The following DLC1 variants were observed in gnomAD, a reference collection of about 807,000 sequenced individuals.
The protein encoded by DLC1 is DLC1 Rho GTPase activating protein, also known as rho GTPase-activating protein 7.
Under a neutral mutation model 140.3 loss-of-function variants are expected in DLC1, and 54 were observed. That is an observed-to-expected ratio of 0.38 (90% CI 0.31 to 0.48). The LOEUF (loss-of-function observed/expected upper bound fraction) is 0.48, where lower values mean the gene tolerates loss of function less well. Ranked by LOEUF, DLC1 falls within the 20% of genes least tolerant of loss-of-function variation. The pLI, the probability that DLC1 is intolerant of heterozygous loss-of-function variation, is 0.96. For synonymous variants in DLC1, 986 were observed against 728.1 expected, an observed-to-expected ratio of 1.35 and a Z score of -5.70; for missense variants, 2,536 against 1,907.0, an observed-to-expected ratio of 1.33 and a Z score of -6.14.
intron 1 of DLC1, among the ~76,000 whole-genome samples, chr8:13,530,842 G>A (rs995968284): frequency 2.6e-5 from 4 of 152,102 alleles, no homozygotes; most frequent in Admixed American, 6.6e-5. Flanking sequence ...TACAGCTTAC[G>A]TGGTTAAAAA....
rs76658290 is a variant in DLC1 at position 13,304,904 on chromosome 8, C to G, written c.1348+365G>C. On this transcript the variant is annotated intron_variant, in intron 5 of 17. Transcript: ENST00000276297. ...GCATCAATTACATCTTTTTCTGTGGCTACTAAGTCATTAAGAGTAAAAATA... is the reference window on the plus strand; with the variant it reads ...GCATCAATTACATCTTTTTCTGTGGGTACTAAGTCATTAAGAGTAAAAATA... The G allele has an allele frequency of 0.091, 90,916 of 994,540 alleles. 4,495 individuals are homozygous for G. Among genetic ancestry groups the G allele is most frequent in the Non-Finnish European group, 0.099 (82,605 of 835,764 alleles). 61.6% of individuals were successfully genotyped at this position (994,540 alleles called of 1,614,324 possible).
chr8:13,141,697 G>T (rs892823576), intron 5 of DLC1, among the ~76,000 whole-genome samples: 5 of 152,114 alleles, frequency 3.3e-5, no homozygotes, highest in Non-Finnish European at 7.3e-5. Context: ...GCTATTTCTG[G>T]AAACCCCTAC....
At chr8:13,305,072 A>G (rs1832364618) in intron 5 of DLC1, 197 bp downstream of exon 5, 6 of 1,250,742 alleles carry the variant, frequency 4.8e-6, no homozygotes, top group Admixed American at 3.8e-5. Flanking sequence ...TTCTAACACA[A>G]TGTCATTATG....
chr8:13,194,931 GC>G (rs1826962245), intron 5 of DLC1, among the ~76,000 whole-genome samples: 2 of 152,148 alleles, frequency 1.3e-5, no homozygotes, highest in Non-Finnish European at 1.5e-5. Context: ...GATGGATTGT[GC>G]CCAGGAGTTT....
At chr8:13,382,529 A>AGAAAGAAAG (rs1554509370) in intron 4 of DLC1, among the ~76,000 whole-genome samples, 1 of 109,432 alleles carries the variant, frequency 9.1e-6, no homozygotes, top group Non-Finnish European at 1.8e-5. Flanking sequence ...AAAAAAAAAA[A>AGAAAGAAAG]AAAGAAAGAG....
chr8:13,495,254 A>G (rs1442338724), intron 2 of DLC1, among the ~76,000 whole-genome samples: 1 of 152,190 alleles, frequency 6.6e-6, no homozygotes, highest in Non-Finnish European at 1.5e-5. Flanking sequence ...CTAATTAGTA[A>G]CCCACTTCTT....
Position 13,249,149 on chromosome 8 carries a change from T to A in DLC1, c.1348+56120A>T, listed in dbSNP as rs537021668. Among the ~76,000 whole-genome samples the A allele has an allele frequency of 2.6e-5, 4 of 152,340 alleles. No individual in the cohort carries two copies. In the South Asian group the frequency reaches 8.3e-4, roughly 32 times the overall value. On this transcript the variant is annotated intron_variant, in intron 5 of 17. Transcript: ENST00000276297. ...TGGAGTGCAATGGCGCGATCTTCGC[T>A]CACTGCAACCTCTGCCTCCTGGGTT...
chr8:13,188,005 T>C (rs1826486324), intron 5 of DLC1, among the ~76,000 whole-genome samples: 1 of 152,088 alleles, frequency 6.6e-6, no homozygotes, highest in Admixed American at 6.6e-5. Flanking sequence ...AAAAATAGAA[T>C]AGTTGCTTTG....
intron 2 of DLC1, among the ~76,000 whole-genome samples, chr8:13,432,942 CTTTTT>C (rs35776848): frequency 3.2e-5 from 3 of 93,016 alleles, no homozygotes; most frequent in Non-Finnish European, 6.1e-5. Flanking sequence ...TCCTCTCTTC[CTTTTT>C]TTTTTTTTTT....
intron 1 of DLC1, chr8:13,567,662 C>T: frequency 4.5e-6 from 7 of 1,551,772 alleles, no homozygotes; most frequent in Non-Finnish European, 6.1e-6. Flanking sequence ...TTACTGGAGT[C>T]ATTTCTACTC....
chr8:13,553,738 C>T (rs767255889), intron 1 of DLC1, among the ~76,000 whole-genome samples: 1 of 152,080 alleles, frequency 6.6e-6, no homozygotes, highest in Admixed American at 6.6e-5. Flanking sequence ...TTCTGATTCT[C>T]TTTAGAACAA....
chr8:13,497,738 G>A (rs1041317980), intron 2 of DLC1, among the ~76,000 whole-genome samples: 13 of 152,104 alleles, frequency 8.5e-5, no homozygotes. Context: ...AGATTTGATA[G>A]GATATATGAA....
At chr8:13,309,331 C>G (rs988125216) in intron 4 of DLC1, among the ~76,000 whole-genome samples, 3 of 152,006 alleles carry the variant, frequency 2.0e-5, no homozygotes, top group African/African-American at 4.8e-5. Flanking sequence ...TTTTGTTTTT[C>G]TTCTCTAGGA....
At chr8:13,560,814 G>C (rs1261524236) in intron 1 of DLC1, among the ~76,000 whole-genome samples, 1 of 152,068 alleles carries the variant, frequency 6.6e-6, no homozygotes, top group East Asian at 1.9e-4. Flanking sequence ...CAGGCATGGA[G>C]GGAGAACATC....
intron 1 of DLC1, among the ~76,000 whole-genome samples, chr8:13,552,141 A>ATATATATATATATC (rs1326263612): frequency 9.8e-6 from 1 of 101,742 alleles, no homozygotes; most frequent in African/African-American, 3.4e-5. Context: ...ATATATATAT[A>ATATATATATATATC]TCTGTCTAGA....
intron 4 of DLC1, among the ~76,000 whole-genome samples, chr8:13,336,272 C>T (rs1833807692): frequency 6.6e-6 from 1 of 151,842 alleles, no homozygotes; most frequent in East Asian, 1.9e-4. Context: ...GGTGAAAGTG[C>T]TTGACCCCAA....
intron 4 of DLC1, among the ~76,000 whole-genome samples, chr8:13,307,582 G>A (rs1309084862): frequency 1.3e-5 from 2 of 152,138 alleles, no homozygotes; most frequent in Non-Finnish European, 2.9e-5. Flanking sequence ...GCTCTTTTGT[G>A]AAAAGTGAAC....
chr8:13,583,238 T>C (rs1307230305), intron 1 of DLC1, among the ~76,000 whole-genome samples: 2 of 152,220 alleles, frequency 1.3e-5, no homozygotes, highest in Non-Finnish European at 2.9e-5. Flanking sequence ...TTTTCAAACT[T>C]GGAGTCAATT....
intron 1 of DLC1, chr8:13,558,882 T>C (rs1804146543): frequency 6.6e-6 from 1 of 152,346 alleles, no homozygotes; most frequent in African/African-American, 2.4e-5. Flanking sequence ...TCAAGCCTTT[T>C]ATCTCTCAAT....
Sources: gnomAD v4.1 joint callset for allele counts (sites outside exome capture counted in the v4.1 genomes callset) on GRCh38, gnomAD v4.1.1 for gene constraint, MANE v1.5 for transcripts, NCBI Gene and HGNC (gene_info 2026-07-23, HGNC 2026-07-21) for gene names.